The following SOS2 variants were observed in gnomAD, a reference collection of about 807,000 sequenced individuals.
SOS2 encodes son of sevenless homolog 2.
A neutral mutation model predicts 148.2 loss-of-function variants in SOS2; 65 were observed. That is an observed-to-expected ratio of 0.44 (90% CI 0.36 to 0.54). SOS2 has a LOEUF of 0.54. SOS2 is among the 20% of genes least tolerant of loss of function. The pLI, the probability that SOS2 is intolerant of heterozygous loss-of-function variation, is 0.00. For missense variants in SOS2, 1,341 were observed against 1,590.2 expected (o/e 0.84, Z 2.67); for synonymous variants, 539 against 537.1 (o/e 1.00, Z -0.05).
At position 50,118,268 on chromosome 14, in the gene SOS2, A is replaced by G; in HGVS notation, c.*76T>C. 1 of 1,202,122 alleles carries G rather than the reference A, an allele frequency of 8.3e-7. No homozygotes were observed. The highest frequency in any genetic ancestry group is 1.5e-5 in the African/African-American group (1 of 64,840). 74.5% of individuals were successfully genotyped at this position (1,202,122 alleles called of 1,614,324 possible). A position where few individuals can be genotyped will look rare whatever the true frequency, so the allele number is the denominator to read the frequency against. On this transcript the variant is annotated 3_prime_UTR_variant, in exon 23 of 23. Transcript: ENST00000216373. ...TATTTGTAAAAAGTACTAAAATACT[A>G]TGTCTTTTTTTGAATAAATTAAAAA...
chr14:50,194,877 G>A lies in SOS2; in HGVS notation c.510+4814C>T, dbSNP rs113991308. The stretch of plus-strand genomic sequence containing the variant: ...GTGATCTCGGCTCACTGCAACCTCC[G>A]CCTCTCAGATTCAAAGGCACCTGGC... On this transcript the variant is annotated intron_variant, in intron 4 of 22. Transcript: ENST00000216373. Among the ~76,000 whole-genome samples the A allele has an allele frequency of 5.4e-4, 82 of 151,686 alleles. 1 individual carries two copies. The highest frequency in any genetic ancestry group is 1.9e-3 in the African/African-American group (77 of 41,400).
Position 50,231,328 on chromosome 14 carries a change from G to T in SOS2, c.-45C>A. On this transcript the variant is annotated 5_prime_UTR_variant, in exon 1 of 23. Transcript: ENST00000216373. ...CCGCATCGGGGGCAGCCCGCGGGCCGGGCCGGTGGCCTGACAGGCAGGGCG... is the reference window on the plus strand; with the variant it reads ...CCGCATCGGGGGCAGCCCGCGGGCCTGGCCGGTGGCCTGACAGGCAGGGCG... 1 of 1,127,398 alleles carries T rather than the reference G, an allele frequency of 8.9e-7. No homozygotes were observed. The highest frequency in any genetic ancestry group is 1.2e-6 in the Non-Finnish European group (1 of 866,192). 69.8% of individuals were successfully genotyped at this position (1,127,398 alleles called of 1,614,324 possible).
intron 21 of SOS2, among the ~76,000 whole-genome samples, chr14:50,122,391 C>CTTTTTTTTTTTTTTTTTTT (rs71118839): frequency 1.2e-4 from 11 of 88,292 alleles, no homozygotes; most frequent in African/African-American, 4.3e-4. Context: ...GAACCCTGGG[C>CTTTTTTTTTTTTTTTTTTT]TTTTTTTTTT....
chr14:50,153,618 T>C (rs1884729939), intron 12 of SOS2, among the ~76,000 whole-genome samples: 1 of 152,128 alleles, frequency 6.6e-6, no homozygotes, highest in Non-Finnish European at 1.5e-5. Flanking sequence ...ATCAAATTTC[T>C]TTCTTTTTTT....
chr14:50,125,297 A>G (rs1566817141), intron 21 of SOS2, among the ~76,000 whole-genome samples: 1 of 152,222 alleles, frequency 6.6e-6, no homozygotes, highest in Non-Finnish European at 1.5e-5. Flanking sequence ...CAGAAGGTAG[A>G]AGAAGCAAGG....
intron 8 of SOS2, among the ~76,000 whole-genome samples, chr14:50,163,874 G>C (rs924991177): frequency 1.3e-5 from 2 of 152,050 alleles, no homozygotes; most frequent in African/African-American, 4.8e-5. Context: ...TTGTCTACTT[G>C]GTCTTAAGGC....
At chr14:50,120,736 C>CCT (rs1555367771) in intron 21 of SOS2, among the ~76,000 whole-genome samples, 1 of 107,500 alleles carries the variant, frequency 9.3e-6, no homozygotes, top group African/African-American at 3.6e-5. Flanking sequence ...AATCAGAGAC[C>CCT]TTTTTTTTTT....
intron 19 of SOS2, among the ~76,000 whole-genome samples, chr14:50,131,614 G>A (rs751760347): frequency 4.0e-5 from 6 of 151,158 alleles, no homozygotes; most frequent in East Asian, 1.9e-4. Context: ...ATAACACATC[G>A]GTTTGTAAAG....
At chr14:50,199,990 G>A in intron 3 of SOS2, 135 bp from the exon 4 acceptor site, 1 of 536,464 alleles carries the variant, frequency 1.9e-6, no homozygotes, top group Non-Finnish European at 3.2e-6. Context: ...GGGTACCACG[G>A]GATATAAAAT....
At chr14:50,167,390 C>T (rs192676244) in intron 8 of SOS2, among the ~76,000 whole-genome samples, 69 of 151,938 alleles carry the variant, frequency 4.5e-4, no homozygotes, top group African/African-American at 1.7e-3. Flanking sequence ...CAAAAATTAG[C>T]TGGGTATGGT....
chr14:50,212,032 C>T (rs986865814), intron 1 of SOS2, among the ~76,000 whole-genome samples: 1 of 151,994 alleles, frequency 6.6e-6, no homozygotes, highest in African/African-American at 2.4e-5. Flanking sequence ...AAAATGTTGG[C>T]AGAAAGAAGC....
In SOS2 at chr14:50,130,777, C is replaced by T. The variant is rs1883843056; in HGVS notation, c.3076-15G>A. On this transcript the variant is annotated splice_polypyrimidine_tract_variant and intron_variant, in intron 19 of 22. Coordinates refer to ENST00000216373, the MANE Select transcript of SOS2 (RefSeq NM_006939.4). ...GATTTCCTAGGCTGAGAAAAGCAAA[C>T]ATAATTAATGTCACAAATTTGCATA... is the stretch of plus-strand genomic sequence containing the variant. 1.9e-6 allele frequency: 3 copies of T among 1,585,720 alleles called. No individual in the cohort carries two copies. In the South Asian group the frequency reaches 3.5e-5, roughly 18 times the overall value.
At chr14:50,159,055 T>C (rs982568118) in intron 10 of SOS2, among the ~76,000 whole-genome samples, 45 of 152,036 alleles carry the variant, frequency 3.0e-4, no homozygotes, top group African/African-American at 1.0e-3. Flanking sequence ...CCGGGCATTG[T>C]TGCGGGCGCC....
chr14:50,230,074 T>C (rs1403557691), intron 1 of SOS2, among the ~76,000 whole-genome samples: 1 of 152,222 alleles, frequency 6.6e-6, no homozygotes, highest in Non-Finnish European at 1.5e-5. Flanking sequence ...GTGTTTGCCC[T>C]GAGGAAAGCA....
chr14:50,163,830 G>C (rs1025724338), intron 8 of SOS2, among the ~76,000 whole-genome samples: 3 of 152,132 alleles, frequency 2.0e-5, no homozygotes, highest in Non-Finnish European at 4.4e-5. Flanking sequence ...ATTATCACCA[G>C]TAGTGATATC....
At chr14:50,180,320 C>A (rs1418974757) in intron 7 of SOS2, among the ~76,000 whole-genome samples, 1 of 144,916 alleles carries the variant, frequency 6.9e-6, no homozygotes, top group Non-Finnish European at 1.5e-5. Flanking sequence ...ATCTTTATAC[C>A]CCAGATCTAG....
chr14:50,209,274 C>CGTGTGTGTGTGTGTGTGTGTGTGTGT (rs140994310), intron 1 of SOS2, among the ~76,000 whole-genome samples: 1,210 of 118,316 alleles, frequency 0.01, 60 homozygotes, highest in Non-Finnish European at 0.013. Flanking sequence ...CCTTAAATGT[C>CGTGTGTGTGTGTGTGTGTGTGTGTGT]GTGTGTGTGT....
At chr14:50,147,321 A>G (rs967572666) in intron 14 of SOS2, among the ~76,000 whole-genome samples, 3 of 152,064 alleles carry the variant, frequency 2.0e-5, no homozygotes, top group African/African-American at 7.2e-5. Flanking sequence ...CATCCTGGGC[A>G]ACATAGCAAG....
In SOS2 at chr14:50,156,978, TAA is replaced by T. The variant is rs111970905; in HGVS notation, c.2057+19_2057+20del. On this transcript the variant is annotated intron_variant, in intron 12 of 22. Transcript: ENST00000216373. ...ATATATATGTGTATATATATATATA[TAA>T]AAAATATTCAAGCCAAACCTAAGTT... is the stretch of plus-strand genomic sequence containing the variant. 0.034 allele frequency: 47,637 copies of T among 1,394,860 alleles called. 874 individuals are homozygous for T. The highest frequency in any genetic ancestry group is 0.038 in the Non-Finnish European group (38,467 of 1,012,420). 86.4% of individuals were successfully genotyped at this position (1,394,860 alleles called of 1,614,324 possible). A position where few individuals can be genotyped will look rare whatever the true frequency, so the allele number is the denominator to read the frequency against.
Sources: allele counts gnomAD v4.1 joint callset (sites outside exome capture counted in the v4.1 genomes callset), GRCh38; gene constraint gnomAD v4.1.1; transcripts MANE v1.5; gene names NCBI Gene and HGNC (gene_info 2026-07-23, HGNC 2026-07-21).